Variants in SNX9 observed in about 807,000 individuals in gnomAD.
SNX9 encodes sorting nexin-9.
Under a neutral mutation model 89.4 loss-of-function variants are expected in SNX9, and 44 were observed. The ratio of observed to expected loss-of-function variants is 0.49; its 90% CI spans 0.39 to 0.63. The LOEUF (loss-of-function observed/expected upper bound fraction) is 0.63, where lower values mean the gene tolerates loss of function less well. Ranked by LOEUF, SNX9 falls within the 30% of genes least tolerant of loss-of-function variation. The pLI is 0.00. For missense variants in SNX9, 578 were observed against 736.1 expected, an observed-to-expected ratio of 0.79 and a Z score of 2.49; for synonymous variants, 236 against 247.8, an observed-to-expected ratio of 0.95 and a Z score of 0.45.
chr6:157,859,120 C>T (rs1213349931), intron 1 of SNX9, among the ~76,000 whole-genome samples: 3 of 152,142 alleles, frequency 2.0e-5, no homozygotes, highest in Non-Finnish European at 4.4e-5. Context: ...TCTTTTTCCT[C>T]TCATTTTAAT....
chr6:157,915,643 ATAT>A (rs1783449203), intron 9 of SNX9, among the ~76,000 whole-genome samples: 1 of 98,384 alleles, frequency 1.0e-5, no homozygotes, highest in African/African-American at 4.9e-5. Flanking sequence ...AAAAAAAAAT[ATAT>A]ATATATATAT....
At chr6:157,891,134 C>T (rs1342497251) in intron 4 of SNX9, among the ~76,000 whole-genome samples, 3 of 147,188 alleles carry the variant, frequency 2.0e-5, no homozygotes, top group African/African-American at 7.6e-5. Flanking sequence ...CAGGTTCAAG[C>T]GATTCTCCTG....
rs528658722 is a variant in SNX9, at chr6:157,902,777, C to T, written c.620+732C>T. ...CAACGTCCCGGGTTCAAGCAATTCTCGTGCCTCAGCCACCTGAGTAGCTGG... is the reference window on the plus strand; with the variant it reads ...CAACGTCCCGGGTTCAAGCAATTCTTGTGCCTCAGCCACCTGAGTAGCTGG... On this transcript the variant is annotated intron_variant, in intron 6 of 17. Coordinates refer to ENST00000392185, the MANE Select transcript of SNX9 (RefSeq NM_016224.5). Among the ~76,000 whole-genome samples the T allele has an allele frequency of 1.6e-3, 250 of 152,240 alleles. 1 individual carries two copies. Among genetic ancestry groups the T allele is most frequent in the African/African-American group, 5.6e-3 (233 of 41,534 alleles).
intron 4 of SNX9, among the ~76,000 whole-genome samples, chr6:157,882,086 C>T (rs1782637291): frequency 1.3e-5 from 2 of 152,184 alleles, no homozygotes; most frequent in African/African-American, 4.8e-5. Flanking sequence ...AACAGGCTGA[C>T]TCTCTTTAAG....
Position 157,918,432 on chromosome 6 carries a change from T to C in SNX9, c.950-3099T>C, listed in dbSNP as rs559165800. 1.4e-4 allele frequency among the ~76,000 whole-genome samples: 21 copies of C among 152,270 alleles called. No homozygotes were observed. The South Asian group carries it at 3.9e-3, about 29-fold the overall frequency. On this transcript the variant is annotated intron_variant, in intron 9 of 17. Coordinates refer to ENST00000392185, the MANE Select transcript of SNX9 (RefSeq NM_016224.5). ...TAATATAGCCACTCCATTTCTGTTA[T>C]GGTTACTGTTTGTATGGTATATCTT... is the stretch of plus-strand genomic sequence containing the variant.
Position 157,937,444 on chromosome 6 carries a change from A to T in SNX9, c.1454A>T (p.Asp485Val), listed in dbSNP as rs1740496889. 1 of 1,612,782 alleles carries T rather than the reference A, an allele frequency of 6.2e-7. No individual in the cohort carries two copies. The highest frequency in any genetic ancestry group is 1.3e-5 in the African/African-American group (1 of 74,916). The change falls in exon 15 of 18, where the codon GAT (aspartate) becomes GTT (valine). Residue 485 changes from aspartate to valine, a missense_variant. By Grantham distance (152) the Asp-to-Val change is radical. Coordinates refer to ENST00000392185, the MANE Select transcript of SNX9 (RefSeq NM_016224.5). ...ASLVAEQPKK[D>V]LHFLMECNHE... ...TGTATCTTGTTATAGCCAAAGAAAGATCTCCATTTCCTGATGGAATGTAAT... is the reference window on the plus strand; with the variant it reads ...TGTATCTTGTTATAGCCAAAGAAAGTTCTCCATTTCCTGATGGAATGTAAT...
intron 6 of SNX9, among the ~76,000 whole-genome samples, chr6:157,904,936 C>T (rs879864412): frequency 3.9e-5 from 6 of 152,186 alleles, no homozygotes; most frequent in Non-Finnish European, 8.8e-5. Flanking sequence ...CCTGCGGCTG[C>T]AGGGAGTACT....
At chr6:157,860,889 A>G (rs1224553152) in intron 1 of SNX9, among the ~76,000 whole-genome samples, 2 of 152,216 alleles carry the variant, frequency 1.3e-5, no homozygotes, top group Non-Finnish European at 2.9e-5. Flanking sequence ...GTTTACACTA[A>G]GTATTTCTTG....
intron 10 of SNX9, among the ~76,000 whole-genome samples, chr6:157,923,193 G>T (rs934552089): frequency 2.0e-5 from 3 of 152,176 alleles, no homozygotes; most frequent in African/African-American, 7.2e-5. Context: ...AGCTGCCTCT[G>T]TGGTCTTAGT....
intron 10 of SNX9, among the ~76,000 whole-genome samples, chr6:157,925,667 T>C (rs183637048): frequency 1.3e-5 from 2 of 152,140 alleles, no homozygotes; most frequent in East Asian, 3.9e-4. Flanking sequence ...TTGACTGTAG[T>C]TCCTAAGCAA....
chr6:157,840,437 C>CCTTTCCTTT (rs1781680543), intron 1 of SNX9, among the ~76,000 whole-genome samples: 1 of 151,274 alleles, frequency 6.6e-6, no homozygotes, highest in Non-Finnish European at 1.5e-5. Context: ...TCTTTTCTTT[C>CCTTTCCTTT]CTTTCTTTCC....
At chr6:157,928,210 A>G (rs1783735707) in intron 11 of SNX9, among the ~76,000 whole-genome samples, 1 of 152,128 alleles carries the variant, frequency 6.6e-6, no homozygotes, top group African/African-American at 2.4e-5. Context: ...TATCCAGGTT[A>G]TTGTCTCCGT....
At chr6:157,894,572 CTT>C (rs1487990936) in intron 4 of SNX9, among the ~76,000 whole-genome samples, 1 of 150,326 alleles carries the variant, frequency 6.7e-6, no homozygotes, top group Non-Finnish European at 1.5e-5. Flanking sequence ...CTGGAATATT[CTT>C]TGAGATTGGG....
intron 4 of SNX9, among the ~76,000 whole-genome samples, chr6:157,880,072 G>T (rs565855293): frequency 3.3e-4 from 51 of 152,256 alleles, no homozygotes; most frequent in Non-Finnish European, 5.7e-4. Context: ...TGCTCTCCCT[G>T]GCATCTCTCT....
At chr6:157,896,030 A>G (rs935736902) in intron 4 of SNX9, among the ~76,000 whole-genome samples, 8 of 152,288 alleles carry the variant, frequency 5.3e-5, no homozygotes, top group African/African-American at 1.7e-4. Context: ...CTGTTGTTCT[A>G]TTTCCTTATT....
At chr6:157,842,360 A>G (rs966990574) in intron 1 of SNX9, among the ~76,000 whole-genome samples, 17 of 152,202 alleles carry the variant, frequency 1.1e-4, no homozygotes, top group Non-Finnish European at 2.4e-4. Context: ...TCTTGCTTTT[A>G]TCTTGTTGAC....
At chr6:157,847,507 A>G (rs550169457) in intron 1 of SNX9, among the ~76,000 whole-genome samples, 29 of 152,050 alleles carry the variant, frequency 1.9e-4, no homozygotes, top group Non-Finnish European at 2.5e-4. Context: ...TATATATTCT[A>G]TAGGAGTTTT....
At chr6:157,881,893 C>T (rs1378164942) in intron 4 of SNX9, among the ~76,000 whole-genome samples, 3 of 152,184 alleles carry the variant, frequency 2.0e-5, no homozygotes, top group African/African-American at 7.2e-5. Context: ...GGTGAAGCAG[C>T]AGGTGCTGCT....
At position 157,897,034 on chromosome 6, in the gene SNX9, C is replaced by T. The variant is rs199936941; in HGVS notation, c.472+36C>T. 11 of 1,533,542 alleles carry T rather than the reference C, an allele frequency of 7.2e-6. No individual in the cohort carries two copies. The East Asian group carries it at 2.3e-4, about 32-fold the overall frequency. 95.0% of individuals were successfully genotyped at this position (1,533,542 alleles called of 1,614,324 possible). A position where few individuals can be genotyped will look rare whatever the true frequency, so the allele number is the denominator to read the frequency against. ...GGGTGCAAGGTCCCACCCTGCCCGC[C>T]CATGGCTGAGTGGGAGAGACAGGGA... On this transcript the variant is annotated intron_variant, in intron 5 of 17. Transcript: ENST00000392185.
Sources: allele counts gnomAD v4.1 joint callset (sites outside exome capture counted in the v4.1 genomes callset), GRCh38; gene constraint gnomAD v4.1.1; transcripts MANE v1.5; gene names NCBI Gene and HGNC (gene_info 2026-07-23, HGNC 2026-07-21).